The following FRMD3 variants were observed in gnomAD, a reference collection of about 807,000 sequenced individuals.
The protein encoded by FRMD3 is FERM domain-containing protein 3.
Under a neutral mutation model 70.2 loss-of-function variants are expected in FRMD3, and 33 were observed. The ratio of observed to expected loss-of-function variants is 0.47; its 90% CI spans 0.36 to 0.63. The LOEUF is 0.63. FRMD3 is among the 20% of genes least tolerant of loss of function. The pLI is 0.00. For missense variants in FRMD3, 632 were observed against 711.4 expected, an observed-to-expected ratio of 0.89 and a Z score of 1.27; for synonymous variants, 279 against 255.9, an observed-to-expected ratio of 1.09 and a Z score of -0.86.
At chr9:83,580,573 A>G in the FRMD3 span, among the ~76,000 whole-genome samples, 1 of 152,094 alleles carries the variant, frequency 6.6e-6, no homozygotes, top group Non-Finnish European at 1.5e-5. Context: ...TTGAATTCAT[A>G]GCAGTAGAAA....
chr9:83,497,689 C>T (rs1828972228), intron 1 of FRMD3, among the ~76,000 whole-genome samples: 1 of 152,130 alleles, frequency 6.6e-6, no homozygotes, highest in African/African-American at 2.4e-5. Flanking sequence ...GGTGTGCAAC[C>T]TTCCACTCTC....
chr9:83,288,314 G>A (rs1834294338), intron 13 of FRMD3, among the ~76,000 whole-genome samples: 1 of 152,134 alleles, frequency 6.6e-6, no homozygotes, highest in African/African-American at 2.4e-5. Flanking sequence ...GAGGTACAAT[G>A]GTATCCAGAA....
At chr9:83,476,346 T>C (rs1054783416) in intron 1 of FRMD3, among the ~76,000 whole-genome samples, 4 of 146,428 alleles carry the variant, frequency 2.7e-5, no homozygotes, top group African/African-American at 7.6e-5. Context: ...ATCACTCCAT[T>C]ACACTCCAGC....
intron 1 of FRMD3, among the ~76,000 whole-genome samples, chr9:83,451,867 A>G (rs1172484429): frequency 1.3e-5 from 2 of 152,366 alleles, no homozygotes; most frequent in East Asian, 3.9e-4. Flanking sequence ...TATAACTAAT[A>G]ACTATTTAAT....
the FRMD3 span, among the ~76,000 whole-genome samples, chr9:83,579,972 T>A: frequency 6.6e-6 from 1 of 152,024 alleles, no homozygotes; most frequent in Non-Finnish European, 1.5e-5. Flanking sequence ...AGGTAAAGAA[T>A]CTGAATAGGC....
intron 6 of FRMD3, among the ~76,000 whole-genome samples, chr9:83,320,141 CTT>C (rs540869826): frequency 2.0e-5 from 3 of 151,382 alleles, no homozygotes; most frequent in African/African-American, 7.3e-5. Flanking sequence ...ACTTGGATGT[CTT>C]TTTTTTTCTC....
chr9:83,528,068 C>G (rs1247500243), intron 1 of FRMD3, among the ~76,000 whole-genome samples: 1 of 152,172 alleles, frequency 6.6e-6, no homozygotes, highest in Non-Finnish European at 1.5e-5. Flanking sequence ...CTTAATAATT[C>G]AAGTGACTAA....
At chr9:83,314,359 A>G (rs1835480475) in intron 6 of FRMD3, among the ~76,000 whole-genome samples, 1 of 152,228 alleles carries the variant, frequency 6.6e-6, no homozygotes, top group Admixed American at 6.5e-5. Context: ...ACATCTAAAG[A>G]AAGACTATGC....
chr9:83,566,978 T>C, the FRMD3 span, among the ~76,000 whole-genome samples: 1 of 152,206 alleles, frequency 6.6e-6, no homozygotes, highest in African/African-American at 2.4e-5. Context: ...AGTGCCCCAG[T>C]AGGGACTCTG....
chr9:83,497,373 T>C (rs1384815804), intron 1 of FRMD3, among the ~76,000 whole-genome samples: 5 of 152,132 alleles, frequency 3.3e-5, no homozygotes, highest in African/African-American at 1.2e-4. Context: ...TACTGAGAAA[T>C]AGGGTATCTG....
chr9:83,425,487 G>A lies in FRMD3; in HGVS notation c.148-35779C>T, dbSNP rs145585789. On this transcript the variant is annotated intron_variant, in intron 1 of 13. Coordinates refer to ENST00000304195, the MANE Select transcript of FRMD3 (RefSeq NM_174938.6). ...CAGACAACAGGAGTATGCATGAACTGGCCCGGGGAAACCTGTCCAGCAGGC... is the reference window on the plus strand; with the variant it reads ...CAGACAACAGGAGTATGCATGAACTAGCCCGGGGAAACCTGTCCAGCAGGC... Among the ~76,000 whole-genome samples the A allele has an allele frequency of 2.3e-3, 343 of 152,270 alleles. 3 individuals carry two copies. The highest frequency in any genetic ancestry group is 7.9e-3 in the African/African-American group (328 of 41,552).
rs1449573881 is a variant in FRMD3, at chr9:83,248,366, G to C, written c.1346C>G (p.Pro449Arg). ...PLTISELVYNPSASLLPTPVD... is the reference protein window; with the variant it reads ...PLTISELVYNRSASLLPTPVD... Reference sequence around the variant, plus strand: ...AGGGGTGGGGAGCAGGCTGGCACTTGGGTTGTACACTAGTTCAGAGATGGT... The same window carrying C: ...AGGGGTGGGGAGCAGGCTGGCACTTCGGTTGTACACTAGTTCAGAGATGGT... Residue 449 changes from proline to arginine, a missense_variant, in exon 14 of 14, where the codon CCA (proline) becomes CGA (arginine). This residue lies in a region of FRMD3 where 418 missense variants were observed against 442.1 expected (regional missense o/e 0.95). Coordinates refer to ENST00000304195, the MANE Select transcript of FRMD3 (RefSeq NM_174938.6). 6.2e-7 allele frequency: 1 copy of C among 1,613,966 alleles called. No homozygotes were observed. The highest frequency in any genetic ancestry group is 2.2e-5 in the East Asian group (1 of 44,890).
chr9:83,262,318 C>A (rs556660411), intron 13 of FRMD3, among the ~76,000 whole-genome samples: 1 of 152,296 alleles, frequency 6.6e-6, no homozygotes, highest in South Asian at 2.1e-4. Flanking sequence ...CTTATATCAG[C>A]AATCCAAGGA....
rs1409836698 is a variant in FRMD3, at chr9:83,350,140, G to A, written c.296-383C>T. On this transcript the variant is annotated intron_variant, in intron 3 of 13. Coordinates refer to ENST00000304195, the MANE Select transcript of FRMD3 (RefSeq NM_174938.6). ...ACATAAGCACCATTCAAGTTGCTGGGCTCACAAAAGATTTTTTTAGCCTGT... is the reference window on the plus strand; with the variant it reads ...ACATAAGCACCATTCAAGTTGCTGGACTCACAAAAGATTTTTTTAGCCTGT... Among the ~76,000 whole-genome samples the A allele has an allele frequency of 2.0e-5, 3 of 152,044 alleles. 1 individual carries two copies. The highest frequency in any genetic ancestry group is 2.9e-5 in the Non-Finnish European group (2 of 68,020).
At chr9:83,520,718 G>A (rs1260626107) in intron 1 of FRMD3, among the ~76,000 whole-genome samples, 2 of 152,128 alleles carry the variant, frequency 1.3e-5, no homozygotes, top group Non-Finnish European at 2.9e-5. Context: ...TGCATAAGGA[G>A]GCTTTTCAAT....
At chr9:83,506,106 G>A (rs1829176401) in intron 1 of FRMD3, among the ~76,000 whole-genome samples, 3 of 152,208 alleles carry the variant, frequency 2.0e-5, no homozygotes, top group Admixed American at 2.0e-4. Context: ...ATCCCTGGAT[G>A]AGTCGGTTGT....
the FRMD3 span, among the ~76,000 whole-genome samples, chr9:83,571,224 T>C: frequency 6.6e-6 from 1 of 152,184 alleles, no homozygotes; most frequent in Admixed American, 6.5e-5. Flanking sequence ...TGTGATCTCT[T>C]TGCAAACTTC....
intron 3 of FRMD3, among the ~76,000 whole-genome samples, chr9:83,371,921 C>T (rs549268330): frequency 6.6e-6 from 1 of 152,176 alleles, no homozygotes; most frequent in Non-Finnish European, 1.5e-5. Flanking sequence ...AGAAGAGATA[C>T]GCTGCCTGCT....
At chr9:83,446,667 A>AG (rs1827483107) in intron 1 of FRMD3, among the ~76,000 whole-genome samples, 1 of 150,066 alleles carries the variant, frequency 6.7e-6, no homozygotes, top group South Asian at 2.1e-4. Flanking sequence ...AAAAAAAAAA[A>AG]GGAAACCTCT....
Sources: gnomAD v4.1 joint callset for allele counts (sites outside exome capture counted in the v4.1 genomes callset) on GRCh38, gnomAD v4.1.1 for gene constraint, gnomAD v4.1.1 regional missense constraint, MANE v1.5 for transcripts, NCBI Gene and HGNC (gene_info 2026-07-23, HGNC 2026-07-21) for gene names.